PLXDC2: variants seen among roughly 807,000 people sequenced by gnomAD.
The protein encoded by PLXDC2 is plexin domain-containing protein 2.
Under a neutral mutation model 68.9 loss-of-function variants are expected in PLXDC2, and 40 were observed. That is an observed-to-expected ratio of 0.58 (90% CI 0.45 to 0.76). The LOEUF is 0.76. Among genes scored for constraint, PLXDC2 ranks in the 30% least tolerant of loss-of-function variants. PLXDC2 has a pLI of 0.00. For synonymous variants in PLXDC2, 243 were observed against 234.2 expected, an observed-to-expected ratio of 1.04 and a Z score of -0.34; for missense variants, 644 against 661.9, an observed-to-expected ratio of 0.97 and a Z score of 0.30.
chr10:19,953,832 T>C (rs1323915442), intron 1 of PLXDC2, among the ~76,000 whole-genome samples: 1 of 152,200 alleles, frequency 6.6e-6, no homozygotes, highest in Non-Finnish European at 1.5e-5. Flanking sequence ...GCCTGTTTTT[T>C]TTTTCTTTTA....
intron 7 of PLXDC2, among the ~76,000 whole-genome samples, chr10:20,173,592 A>G (rs1217297840): frequency 6.6e-6 from 1 of 152,082 alleles, no homozygotes; most frequent in African/African-American, 2.4e-5. Flanking sequence ...TTTCGATCAC[A>G]TTTTCTCTCT....
At chr10:19,952,075 T>A (rs543550951) in intron 1 of PLXDC2, among the ~76,000 whole-genome samples, 11 of 152,224 alleles carry the variant, frequency 7.2e-5, no homozygotes, top group South Asian at 2.1e-4. Flanking sequence ...AAATCAGTCA[T>A]ACCCCAAATG....
intron 13 of PLXDC2, among the ~76,000 whole-genome samples, chr10:20,266,716 C>T (rs1835876894): frequency 6.6e-6 from 1 of 152,086 alleles, no homozygotes; most frequent in South Asian, 2.1e-4. Flanking sequence ...CTTCTAAGAA[C>T]TGGCTTTAAA....
At chr10:19,897,239 G>GT (rs144184807) in intron 1 of PLXDC2, among the ~76,000 whole-genome samples, 6,875 of 139,884 alleles carry the variant, frequency 0.049, 523 homozygotes, top group African/African-American at 0.17. Flanking sequence ...TTTTTTTTTT[G>GT]TTTTTTTTTG....
chr10:19,968,848 C>T (rs1465476602), intron 1 of PLXDC2, among the ~76,000 whole-genome samples: 1 of 152,072 alleles, frequency 6.6e-6, no homozygotes, highest in Non-Finnish European at 1.5e-5. Flanking sequence ...GATGGCATAA[C>T]CCAGTGTCAG....
intron 2 of PLXDC2, among the ~76,000 whole-genome samples, chr10:20,038,172 G>A (rs1443722725): frequency 6.6e-6 from 1 of 151,928 alleles, no homozygotes; most frequent in Non-Finnish European, 1.5e-5. Flanking sequence ...GGAGATGGAG[G>A]TTGCAGTGAG....
At chr10:20,094,598 A>G (rs148783833) in intron 4 of PLXDC2, among the ~76,000 whole-genome samples, 3 of 152,050 alleles carry the variant, frequency 2.0e-5, no homozygotes, top group Admixed American at 6.5e-5. Flanking sequence ...CATGCATTTC[A>G]TAGAAAGTTA....
At chr10:20,075,003 A>C (rs1215075702) in intron 4 of PLXDC2, among the ~76,000 whole-genome samples, 1 of 152,158 alleles carries the variant, frequency 6.6e-6, no homozygotes, top group Non-Finnish European at 1.5e-5. Flanking sequence ...TTACAAACTC[A>C]AGTCTCAAGG....
intron 13 of PLXDC2, among the ~76,000 whole-genome samples, chr10:20,250,363 C>G (rs927299532): frequency 1.1e-4 from 17 of 151,584 alleles, no homozygotes; most frequent in African/African-American, 3.9e-4. Context: ...AGCAATGGTG[C>G]TCTTCCTACT....
intron 1 of PLXDC2, among the ~76,000 whole-genome samples, chr10:19,867,995 G>GA (rs1001834800): frequency 1.3e-5 from 2 of 152,082 alleles, no homozygotes; most frequent in Non-Finnish European, 2.9e-5. Flanking sequence ...CAAGTCATTT[G>GA]TCAATGCCTA....
intron 1 of PLXDC2, among the ~76,000 whole-genome samples, chr10:19,927,764 ATCC>A (rs1833563522): frequency 6.7e-6 from 1 of 149,532 alleles, no homozygotes; most frequent in South Asian, 2.1e-4. Flanking sequence ...TGGGTATAAT[ATCC>A]TCCTTGAAAA....
Position 19,850,412 on chromosome 10 carries a change from C to T in PLXDC2, c.112+33221C>T, listed in dbSNP as rs558472778. ...AGTCTCCGTACTTCATAATATTCAG[C>T]GAGAAGTTAGCTGAGTTGTTTATAG... On this transcript the variant is annotated intron_variant, in intron 1 of 13. Transcript: ENST00000377252. Among the ~76,000 whole-genome samples, 8 of 152,036 alleles carry T rather than the reference C, an allele frequency of 5.3e-5. No homozygotes were observed. The South Asian group carries it at 6.2e-4, about 12-fold the overall frequency.
chr10:20,060,488 TAAAAA>T (rs58942454), intron 3 of PLXDC2, among the ~76,000 whole-genome samples: 4,009 of 139,054 alleles, frequency 0.029, 115 homozygotes, highest in African/African-American at 0.076. Context: ...CCTGGAATGT[TAAAAA>T]AAAAAAAAAA....
At chr10:19,850,231 T>C (rs1174101238) in intron 1 of PLXDC2, among the ~76,000 whole-genome samples, 1 of 151,904 alleles carries the variant, frequency 6.6e-6, no homozygotes, top group Non-Finnish European at 1.5e-5. Context: ...AAATTAGAAA[T>C]ATCCCTTATC....
intron 9 of PLXDC2, among the ~76,000 whole-genome samples, chr10:20,211,244 G>A (rs1349539965): frequency 6.6e-6 from 1 of 151,940 alleles, no homozygotes; most frequent in Admixed American, 6.6e-5. Context: ...TTGAATGAAT[G>A]AGTAAAATGA....
chr10:20,093,341 A>G (rs919576665), intron 4 of PLXDC2, among the ~76,000 whole-genome samples: 5 of 152,202 alleles, frequency 3.3e-5, no homozygotes, highest in Admixed American at 3.3e-4. Flanking sequence ...ATCCTAATAT[A>G]GGATGTTAGG....
chr10:20,261,474 T>G (rs1021032609), intron 13 of PLXDC2, among the ~76,000 whole-genome samples: 2 of 152,212 alleles, frequency 1.3e-5, no homozygotes, highest in African/African-American at 4.8e-5. Context: ...CCAACCTTCC[T>G]TCTAAATGTT....
intron 12 of PLXDC2, among the ~76,000 whole-genome samples, chr10:20,244,834 G>A (rs1388453496): frequency 6.6e-6 from 1 of 152,186 alleles, no homozygotes; most frequent in Non-Finnish European, 1.5e-5. Flanking sequence ...TTAAAACACA[G>A]GCCAGGTGCG....
chr10:20,233,631 A>G (rs940527818), intron 12 of PLXDC2, among the ~76,000 whole-genome samples: 2 of 152,158 alleles, frequency 1.3e-5, no homozygotes, highest in Admixed American at 6.5e-5. Context: ...TAGCTGGTCT[A>G]TAGCACCAAG....
Sources: gnomAD v4.1 joint callset for allele counts (sites outside exome capture counted in the v4.1 genomes callset) on GRCh38, gnomAD v4.1.1 for gene constraint, MANE v1.5 for transcripts, NCBI Gene and HGNC (gene_info 2026-07-23, HGNC 2026-07-21) for gene names.